Variants in ZFHX3 observed in about 807,000 individuals in gnomAD.
ZFHX3 encodes the protein zinc finger homeobox 3.
ZFHX3 carries 42 observed loss-of-function variants against 279.1 expected under a neutral mutation model. That is an observed-to-expected ratio of 0.15 (90% CI 0.12 to 0.19). The LOEUF (loss-of-function observed/expected upper bound fraction) is 0.19. Ranked by LOEUF, ZFHX3 falls within the 10% of genes least tolerant of loss-of-function variation. The probability of loss-of-function intolerance (pLI) is 1.00; values close to 1 mark genes in which losing one functional copy is unlikely to be tolerated. For missense variants in ZFHX3, 4,981 were observed against 4,754.0 expected, an observed-to-expected ratio of 1.05 and a Z score of -1.40; for synonymous variants, 2,293 against 1,957.8, an observed-to-expected ratio of 1.17 and a Z score of -4.52.
chr16:73,850,974 G>A (rs575463802), intron 1 of ZFHX3, among the ~76,000 whole-genome samples: 2 of 152,200 alleles, frequency 1.3e-5, no homozygotes, highest in South Asian at 4.1e-4. Context: ...ACATAAAACT[G>A]TATGCCACCT....
At chr16:73,772,310 C>A (rs144283613) in intron 1 of ZFHX3, among the ~76,000 whole-genome samples, 1 of 152,144 alleles carries the variant, frequency 6.6e-6, no homozygotes, top group African/African-American at 2.4e-5. Flanking sequence ...GAAGGCAAGG[C>A]GGAGCAAGTC....
chr16:73,701,734 C>T (rs933933673), intron 1 of ZFHX3, among the ~76,000 whole-genome samples: 46 of 152,042 alleles, frequency 3.0e-4, no homozygotes, highest in African/African-American at 1.1e-3. Flanking sequence ...AAAAATGACC[C>T]CTGTCATAAT....
chr16:73,726,700 G>A (rs1371357427), intron 1 of ZFHX3, among the ~76,000 whole-genome samples: 1 of 152,162 alleles, frequency 6.6e-6, no homozygotes, highest in Non-Finnish European at 1.5e-5. Context: ...AACAGCGGGA[G>A]CACGAGGGAG....
intron 8 of ZFHX3, among the ~76,000 whole-genome samples, chr16:73,072,527 TG>T (rs1014850473): frequency 4.6e-5 from 7 of 152,032 alleles, no homozygotes; most frequent in African/African-American, 1.7e-4. Flanking sequence ...GGACTCTGAA[TG>T]TTAATATAGT....
intron 4 of ZFHX3, among the ~76,000 whole-genome samples, chr16:72,879,748 C>T (rs1017513611): frequency 5.3e-5 from 8 of 152,210 alleles, no homozygotes; most frequent in Admixed American, 4.6e-4. Context: ...TTCTATAAAT[C>T]CCTCCAACAG....
At chr16:73,124,449 A>T (rs1966537181) in intron 7 of ZFHX3, among the ~76,000 whole-genome samples, 1 of 152,144 alleles carries the variant, frequency 6.6e-6, no homozygotes, top group South Asian at 2.1e-4. Context: ...ACCTCCTGAT[A>T]TCATCACATT....
chr16:73,504,968 C>G (rs1221553823), intron 2 of ZFHX3: 1 of 151,904 alleles, frequency 6.6e-6, no homozygotes, highest in Non-Finnish European at 1.5e-5. Context: ...CAGTGTATTC[C>G]TTTTGGGTCA....
At chr16:73,434,706 C>G (rs2017967488) in intron 3 of ZFHX3, among the ~76,000 whole-genome samples, 1 of 152,082 alleles carries the variant, frequency 6.6e-6, no homozygotes, top group South Asian at 2.1e-4. Context: ...AGATGTGGAA[C>G]AGTGGGCTGG....
intron 1 of ZFHX3, among the ~76,000 whole-genome samples, chr16:73,792,161 T>G (rs1959843618): frequency 6.6e-6 from 1 of 152,238 alleles, no homozygotes; most frequent in South Asian, 2.1e-4. Flanking sequence ...ATGATGCATT[T>G]AATACGCAGC....
intron 2 of ZFHX3, among the ~76,000 whole-genome samples, chr16:73,480,329 C>T (rs2018842579): frequency 1.3e-5 from 2 of 152,146 alleles, no homozygotes; most frequent in Admixed American, 6.5e-5. Flanking sequence ...GCGGCCACCA[C>T]CTGCTTACTG....
At chr16:73,038,525 T>C (rs1034217570) in intron 1 of ZFHX3, among the ~76,000 whole-genome samples, 16 of 152,228 alleles carry the variant, frequency 1.1e-4, no homozygotes, top group Non-Finnish European at 2.2e-4. Flanking sequence ...TTCTGAGCAC[T>C]GGACATGGGG....
chr16:72,874,197 G>C (rs971630732), intron 4 of ZFHX3, among the ~76,000 whole-genome samples: 3 of 89,698 alleles, frequency 3.3e-5, no homozygotes, highest in African/African-American at 1.7e-4. Context: ...AGGATTTTTT[G>C]ATTTTTTTTT....
intron 3 of ZFHX3, among the ~76,000 whole-genome samples, chr16:73,405,941 G>A (rs924675056): frequency 6.6e-6 from 1 of 152,248 alleles, no homozygotes; most frequent in Non-Finnish European, 1.5e-5. Context: ...CTTGGCCCCA[G>A]GGAAGGTTGG....
rs572431388 is a variant in ZFHX3, at chr16:73,728,551, G to T, written c.-1607-48311C>A. Among the ~76,000 whole-genome samples, 460 of 152,204 alleles carry T rather than the reference G, an allele frequency of 3.0e-3. 1 individual carries two copies. Among genetic ancestry groups the T allele is most frequent in the African/African-American group, 0.011 (446 of 41,534 alleles). Reference sequence around the variant, plus strand: ...AAAGAGAAAATGTAATGTGTAGCCCGCAACTCAGTCTCCTATACGATAACT... The same window carrying T: ...AAAGAGAAAATGTAATGTGTAGCCCTCAACTCAGTCTCCTATACGATAACT... On this transcript the variant is annotated intron_variant, in intron 1 of 17. Transcript: ENST00000641206.
At chr16:73,032,864 T>C (rs909664629) in intron 1 of ZFHX3, among the ~76,000 whole-genome samples, 1 of 152,072 alleles carries the variant, frequency 6.6e-6, no homozygotes, top group Non-Finnish European at 1.5e-5. Context: ...CCTTTAAGCA[T>C]ATAAAACCGG....
At chr16:73,529,723 G>A (rs927062328) in intron 2 of ZFHX3, among the ~76,000 whole-genome samples, 7 of 152,136 alleles carry the variant, frequency 4.6e-5, no homozygotes, top group East Asian at 1.9e-4. Context: ...ATAGTAATTC[G>A]GTGGAAAATG....
Position 73,833,804 on chromosome 16 carries a change from G to A in ZFHX3, c.-1608+57847C>T, listed in dbSNP as rs189406598. 2.5e-3 allele frequency among the ~76,000 whole-genome samples: 380 copies of A among 149,482 alleles called. 3 individuals are homozygous for A. Among genetic ancestry groups the A allele is most frequent in the African/African-American group, 8.7e-3 (357 of 40,876 alleles). ...GATAATAACTACATCATACAATGTGGTACCCGACATATGGTAGGTATTGAG... is the reference window on the plus strand; with the variant it reads ...GATAATAACTACATCATACAATGTGATACCCGACATATGGTAGGTATTGAG... On this transcript the variant is annotated intron_variant, in intron 1 of 17. Coordinates refer to the ZFHX3 transcript ENST00000641206.
chr16:73,530,943 C>T (rs981362566), intron 2 of ZFHX3, among the ~76,000 whole-genome samples: 4 of 152,218 alleles, frequency 2.6e-5, no homozygotes, highest in Non-Finnish European at 5.9e-5. Flanking sequence ...CAGTTCTGCA[C>T]TGGAGAAACA....
intron 4 of ZFHX3, among the ~76,000 whole-genome samples, chr16:72,856,439 A>G (rs79315071): frequency 0.01 from 1,575 of 152,350 alleles, 11 homozygotes; most frequent in Non-Finnish European, 0.018. Flanking sequence ...GGCCAGGTGC[A>G]GCTAGCTTAC....
Sources: allele counts gnomAD v4.1 joint callset (sites outside exome capture counted in the v4.1 genomes callset), GRCh38; gene constraint gnomAD v4.1.1; transcripts MANE v1.5; gene names NCBI Gene and HGNC (gene_info 2026-07-23, HGNC 2026-07-21).